Variants in ZDHHC11 observed in about 807,000 individuals in gnomAD.
ZDHHC11 encodes palmitoyltransferase ZDHHC11.
ZDHHC11 carries 44 observed loss-of-function variants against 51.3 expected under a neutral mutation model. That is an observed-to-expected ratio of 0.86 (90% CI 0.67 to 1.10). ZDHHC11 has a LOEUF of 1.10. Ranked by LOEUF, ZDHHC11 falls within the 50% of genes least tolerant of loss-of-function variation. ZDHHC11 has a pLI of 0.00. For missense variants in ZDHHC11, 400 were observed against 537.7 expected, an observed-to-expected ratio of 0.74 and a Z score of 2.53; for synonymous variants, 163 against 222.0, an observed-to-expected ratio of 0.73 and a Z score of 2.36.
In ZDHHC11 at chr5:829,635, T is replaced by G. The variant is rs572820058; in HGVS notation, c.935+4138A>C. On this transcript the variant is annotated intron_variant, in intron 7 of 12. Transcript: ENST00000283441. The stretch of plus-strand genomic sequence containing the variant: ...AAAGAGGGAATCGTCCATAAATCAT[T>G]CCATGAAGCCAGTATCACCTTAATA... Among the ~76,000 whole-genome samples the G allele has an allele frequency of 7.9e-4, 119 of 151,554 alleles. 3 individuals are homozygous for G. Among genetic ancestry groups the G allele is most frequent in the Non-Finnish European group, 1.5e-3 (100 of 67,798 alleles).
intron 6 of ZDHHC11, 36 bp from the exon 7 acceptor site, chr5:833,843 G>C: frequency 6.4e-7 from 1 of 1,570,148 alleles, no homozygotes; most frequent in Non-Finnish European, 8.7e-7. Flanking sequence ...CATGAAAAAA[G>C]AAGTTGTTGA....
chr5:822,343 C>T (rs1411211243), intron 8 of ZDHHC11, among the ~76,000 whole-genome samples: 2 of 151,336 alleles, frequency 1.3e-5, no homozygotes, highest in Non-Finnish European at 3.0e-5. Flanking sequence ...TTGGGAGAAA[C>T]CAACCCTGCA....
At position 850,742 on chromosome 5, in the gene ZDHHC11, G is replaced by A. The variant is rs762892220; in HGVS notation, c.-140C>T. On this transcript the variant is annotated 5_prime_UTR_variant, in exon 1 of 13. Transcript: ENST00000283441. ...AGCCAATGGCCCAGCACTGCCTGGG[G>A]CCACGTTCCCCGCAGAGGGAGCAGG... 1,988 of 1,058,874 alleles carry A rather than the reference G, an allele frequency of 1.9e-3. 6 individuals are homozygous for A. The highest frequency in any genetic ancestry group is 2.4e-3 in the Non-Finnish European group (1,796 of 740,830). The allele number at this position is 1,058,874 out of a possible 1,614,324, so 65.6% of individuals were successfully genotyped here.
intron 6 of ZDHHC11, among the ~76,000 whole-genome samples, chr5:836,174 A>AG (rs1743820575): frequency 6.6e-6 from 1 of 150,390 alleles, no homozygotes; most frequent in East Asian, 1.9e-4. Context: ...TCAGGTACAC[A>AG]GGGTGCTTTC....
rs1738921851 is a variant in ZDHHC11 at position 804,279 on chromosome 5, C to G, written c.1182-3115G>C. Among the ~76,000 whole-genome samples, 2 of 151,216 alleles carry G rather than the reference C, an allele frequency of 1.3e-5. 1 individual carries two copies. Among genetic ancestry groups the G allele is most frequent in the Admixed American group, 1.3e-4 (2 of 15,216 alleles). On this transcript the variant is annotated intron_variant, in intron 11 of 12. Transcript: ENST00000283441. ...CCCAGGACATGAATCATTCCTTTGT[C>G]CAGCATATCCATGCTGTATACACAA... is the stretch of plus-strand genomic sequence containing the variant.
At chr5:822,817 T>A (rs1407982526) in intron 8 of ZDHHC11, among the ~76,000 whole-genome samples, 1 of 151,946 alleles carries the variant, frequency 6.6e-6, no homozygotes, top group Non-Finnish European at 1.5e-5. Flanking sequence ...GATGGTATCC[T>A]TAATCTGCTT....
intron 11 of ZDHHC11, among the ~76,000 whole-genome samples, 197 bp downstream of exon 11, chr5:814,564 A>G (rs1740508811): frequency 6.6e-6 from 1 of 151,562 alleles, no homozygotes; most frequent in Non-Finnish European, 1.5e-5. Context: ...GTTATAAAGA[A>G]TTCTATAATT....
chr5:820,096 A>G (rs1181460096), intron 9 of ZDHHC11, among the ~76,000 whole-genome samples: 2 of 151,336 alleles, frequency 1.3e-5, no homozygotes, highest in Admixed American at 6.6e-5. Flanking sequence ...ACACAACTTT[A>G]GTTTTTCCTT....
intron 12 of ZDHHC11, among the ~76,000 whole-genome samples, chr5:798,433 A>G (rs1579506251): frequency 6.6e-6 from 1 of 151,516 alleles, no homozygotes; most frequent in Middle Eastern, 3.4e-3. Flanking sequence ...ACACACCCTT[A>G]ACTTGCTCAG....
At chr5:802,920 C>G (rs1738682006) in intron 11 of ZDHHC11, among the ~76,000 whole-genome samples, 1 of 125,904 alleles carries the variant, frequency 7.9e-6, no homozygotes, top group Non-Finnish European at 1.6e-5. Flanking sequence ...ACTTGGGAGG[C>G]TGAGGCAGGA....
At chr5:803,020 CAAAAAA>C (rs70957307) in intron 11 of ZDHHC11, among the ~76,000 whole-genome samples, 4 of 138,752 alleles carry the variant, frequency 2.9e-5, no homozygotes, top group African/African-American at 1.0e-4. Flanking sequence ...GACTCTATCT[CAAAAAA>C]AAAAAAGAAA....
At chr5:821,243 G>A (rs1040016472) in intron 9 of ZDHHC11, 3 of 151,602 alleles carry the variant, frequency 2.0e-5, no homozygotes, top group Non-Finnish European at 4.4e-5. Context: ...TGACAGAGAT[G>A]GGAAGGTAGC....
intron 12 of ZDHHC11, 25 bp downstream of exon 12, chr5:801,075 T>G: frequency 6.2e-7 from 1 of 1,609,256 alleles, no homozygotes; most frequent in East Asian, 2.2e-5. Context: ...GATTTCAACA[T>G]GACCCGCACT....
chr5:853,994 G>T (rs1384999588), upstream of ZDHHC11, among the ~76,000 whole-genome samples: 1 of 150,390 alleles, frequency 6.6e-6, no homozygotes, highest in African/African-American at 2.5e-5. Context: ...GTGAGCTGGG[G>T]GCACAGATCC....
intron 5 of ZDHHC11, among the ~76,000 whole-genome samples, chr5:838,809 G>A (rs1201756923): frequency 6.6e-6 from 1 of 151,002 alleles, no homozygotes; most frequent in Non-Finnish European, 1.5e-5. Flanking sequence ...GCCGCCTGAG[G>A]CAAGGGCCAG....
intron 3 of ZDHHC11, among the ~76,000 whole-genome samples, chr5:845,572 C>A (rs1188596871): frequency 6.6e-6 from 1 of 152,282 alleles, no homozygotes; most frequent in African/African-American, 2.4e-5. Flanking sequence ...CTTTCCGTCC[C>A]CCTTCCTCTC....
rs149185117 is a variant in ZDHHC11, at chr5:824,749, T to A, written c.1023+415A>T. Among the ~76,000 whole-genome samples, 460 of 145,956 alleles carry A rather than the reference T, an allele frequency of 3.2e-3. 9 individuals carry two copies. The highest frequency in any genetic ancestry group is 0.012 in the African/African-American group (438 of 37,884). On this transcript the variant is annotated intron_variant, in intron 8 of 12. Transcript: ENST00000283441. ...ATTCCCATCTGTCTCCTACACACAGTCTTTCCTAAGCATTTTATTTAAAAA... is the reference window on the plus strand; with the variant it reads ...ATTCCCATCTGTCTCCTACACACAGACTTTCCTAAGCATTTTATTTAAAAA...
rs560212887 is a variant in ZDHHC11, at chr5:819,506, G to T, written c.1146+19C>A. Reference sequence around the variant, plus strand: ...ACATGGCCCTGTCCTCGGGGACAGCGCCAGTGATTGCAACTTACCTGTGCC... The same window carrying T: ...ACATGGCCCTGTCCTCGGGGACAGCTCCAGTGATTGCAACTTACCTGTGCC... On this transcript the variant is annotated intron_variant, in intron 10 of 12. Coordinates refer to ENST00000283441, the MANE Select transcript of ZDHHC11 (RefSeq NM_024786.3). The T allele has an allele frequency of 6.2e-7, 1 of 1,605,280 alleles. No individual in the cohort carries two copies. The highest frequency in any genetic ancestry group is 8.5e-7 in the Non-Finnish European group (1 of 1,172,734).
At chr5:810,906 T>C (rs1197430166) in intron 11 of ZDHHC11, among the ~76,000 whole-genome samples, 1 of 152,080 alleles carries the variant, frequency 6.6e-6, no homozygotes, top group Admixed American at 6.5e-5. Context: ...AACGCAACAA[T>C]GTAGAGTTTA....
Sources: allele counts gnomAD v4.1 joint callset (sites outside exome capture counted in the v4.1 genomes callset), GRCh38; gene constraint gnomAD v4.1.1; transcripts MANE v1.5; gene names NCBI Gene and HGNC (gene_info 2026-07-23, HGNC 2026-07-21).